TRAK1: variants seen among roughly 807,000 people sequenced by gnomAD.
TRAK1 encodes trafficking kinesin protein 1, also known as trafficking kinesin-binding protein 1.
A neutral mutation model predicts 92.1 loss-of-function variants in TRAK1; 33 were observed. The observed-to-expected ratio is 0.36, with a 90% CI of 0.27 to 0.48. The LOEUF is 0.48. Ranked by LOEUF, TRAK1 falls within the 20% of genes least tolerant of loss-of-function variation. The pLI, the probability that TRAK1 is intolerant of heterozygous loss-of-function variation, is 0.99. For synonymous variants in TRAK1, 521 were observed against 517.3 expected, an observed-to-expected ratio of 1.01 and a Z score of -0.10; for missense variants, 1,123 against 1,257.9, an observed-to-expected ratio of 0.89 and a Z score of 1.62.
upstream of TRAK1, among the ~76,000 whole-genome samples, chr3:42,088,953 C>T (rs1417391942): frequency 6.6e-6 from 1 of 152,176 alleles, no homozygotes; most frequent in African/African-American, 2.4e-5. Context: ...GCCTTCTGTA[C>T]TGGCCACTCG....
intron 14 of TRAK1, chr3:42,210,211 T>G (rs200689196): frequency 2.1e-4 from 324 of 1,547,296 alleles, no homozygotes; most frequent in Non-Finnish European, 2.7e-4. Context: ...CCAGGCACCA[T>G]CCGTAGTGGT....
chr3:42,142,869 C>G (rs9852952), intron 2 of TRAK1, among the ~76,000 whole-genome samples: 2 of 152,174 alleles, frequency 1.3e-5, no homozygotes, highest in Non-Finnish European at 2.9e-5. Context: ...TGTCACAACA[C>G]AGTGCATGGT....
At chr3:42,088,503 A>C (rs929548525), upstream of TRAK1, among the ~76,000 whole-genome samples, 2 of 152,160 alleles carry the variant, frequency 1.3e-5, no homozygotes, top group African/African-American at 4.8e-5. Flanking sequence ...CTTTCTTATT[A>C]GTGCAGAAAC....
At chr3:42,106,149 G>A (rs1707535492) in intron 1 of TRAK1, among the ~76,000 whole-genome samples, 1 of 152,162 alleles carries the variant, frequency 6.6e-6, no homozygotes, top group Admixed American at 6.5e-5. Context: ...ATAATGACAG[G>A]ATCAAATTCA....
intron 2 of TRAK1, among the ~76,000 whole-genome samples, chr3:42,172,818 T>C (rs1702733210): frequency 6.6e-6 from 1 of 152,196 alleles, no homozygotes; most frequent in African/African-American, 2.4e-5. Context: ...TTAACTTCTT[T>C]TTCTAGGAGA....
intron 14 of TRAK1, chr3:42,217,636 T>C: frequency 1.0e-6 from 1 of 985,458 alleles, no homozygotes; most frequent in Non-Finnish European, 1.2e-6. Flanking sequence ...TGATTTTAAA[T>C]CCAGCCTTCC....
At chr3:42,099,680 G>A (rs558035125) in intron 1 of TRAK1, among the ~76,000 whole-genome samples, 1 of 152,292 alleles carries the variant, frequency 6.6e-6, no homozygotes, top group Admixed American at 6.5e-5. Flanking sequence ...AAACCAACAT[G>A]TTCGGTTTCA....
chr3:42,055,665 T>C (rs1703176329), intron 1 of TRAK1, among the ~76,000 whole-genome samples: 1 of 152,186 alleles, frequency 6.6e-6, no homozygotes, highest in Admixed American at 6.5e-5. Context: ...AGTCTCCTTA[T>C]GTTGCCAAGG....
chr3:42,164,203 G>A (rs1576725444), intron 2 of TRAK1, among the ~76,000 whole-genome samples: 1 of 152,226 alleles, frequency 6.6e-6, no homozygotes, highest in Non-Finnish European at 1.5e-5. Context: ...GAAAATATGT[G>A]TGTGGATTTG....
chr3:42,049,915 T>C (rs952376267), intron 1 of TRAK1, among the ~76,000 whole-genome samples: 3 of 152,194 alleles, frequency 2.0e-5, no homozygotes, highest in African/African-American at 7.2e-5. Context: ...TTGGTGTCTG[T>C]CTGCAAGTTG....
intron 2 of TRAK1, among the ~76,000 whole-genome samples, chr3:42,167,922 G>A (rs1702074140): frequency 6.6e-6 from 1 of 152,160 alleles, no homozygotes; most frequent in Admixed American, 6.5e-5. Context: ...AGTAATGTGT[G>A]TCTTAGGGCT....
chr3:42,167,532 C>T (rs1022409880), intron 2 of TRAK1, among the ~76,000 whole-genome samples: 2 of 152,202 alleles, frequency 1.3e-5, no homozygotes, highest in Non-Finnish European at 2.9e-5. Flanking sequence ...TCACCCCGTT[C>T]CAGTGGCCAC....
chr3:42,193,066 T>G lies in TRAK1; in HGVS notation c.770-9T>G, dbSNP rs377570857. On this transcript the variant is annotated splice_polypyrimidine_tract_variant and intron_variant, in intron 7 of 15. Transcript: ENST00000327628. The stretch of plus-strand genomic sequence containing the variant: ...ACTTCCTCTCCTGATTGTTGCTTCT[T>G]TGTCAAAGGGGATGCCAATGTCCAG... The G allele has an allele frequency of 5.7e-5, 92 of 1,613,270 alleles. No homozygotes were observed. The highest frequency in any genetic ancestry group is 3.3e-4 in the Middle Eastern group (2 of 6,070).
Position 42,203,889 on chromosome 3 carries a change from A to T in TRAK1, c.1744+1137A>T, listed in dbSNP as rs978172462. ...AAAAGAATCCAATTATGTTTACCTC[A>T]AAAGAACCTGTTTTTGCTTCTTGGG... On this transcript the variant is annotated intron_variant, in intron 13 of 15. Transcript: ENST00000327628. 1.0e-5 allele frequency: 10 copies of T among 953,792 alleles called. No individual in the cohort carries two copies. In the African/African-American group the frequency reaches 1.8e-4, roughly 17 times the overall value. 59.1% of individuals were successfully genotyped at this position (953,792 alleles called of 1,614,324 possible).
intron 14 of TRAK1, chr3:42,212,408 T>C: frequency 2.0e-6 from 2 of 985,406 alleles, no homozygotes; most frequent in Non-Finnish European, 2.4e-6. Context: ...AGAAGGAAAT[T>C]GGGAAAACTT....
chr3:42,152,765 G>A (rs1462635288), intron 2 of TRAK1, among the ~76,000 whole-genome samples: 1 of 152,164 alleles, frequency 6.6e-6, no homozygotes, highest in African/African-American at 2.4e-5. Context: ...TTTTCAAAAG[G>A]ACTTGGGTTC....
intron 14 of TRAK1, among the ~76,000 whole-genome samples, chr3:42,214,841 A>C (rs750931314): frequency 2.4e-4 from 37 of 152,228 alleles, no homozygotes; most frequent in Non-Finnish European, 4.0e-4. Context: ...AGAAATGCTT[A>C]AGCAGAGAAA....
chr3:42,039,829 C>G (rs542520636), intron 1 of TRAK1, among the ~76,000 whole-genome samples: 15 of 152,314 alleles, frequency 9.8e-5, no homozygotes, highest in South Asian at 4.1e-4. Flanking sequence ...CACCATTTTA[C>G]ATTTCCACCA....
intron 1 of TRAK1, among the ~76,000 whole-genome samples, chr3:42,069,402 G>A (rs1703819655): frequency 6.6e-6 from 1 of 152,022 alleles, no homozygotes; most frequent in Non-Finnish European, 1.5e-5. Flanking sequence ...CAACAGGGGA[G>A]GGCTGGGTTT....
Sources: allele counts gnomAD v4.1 joint callset (sites outside exome capture counted in the v4.1 genomes callset), GRCh38; gene constraint gnomAD v4.1.1; transcripts MANE v1.5; gene names NCBI Gene and HGNC (gene_info 2026-07-23, HGNC 2026-07-21).